Variants in PRELID2 observed in about 807,000 individuals in gnomAD.
PRELID2 encodes PRELI domain containing 2.
In PRELID2, 25 loss-of-function variants were observed where a neutral mutation model predicts 28.4. The ratio of observed to expected loss-of-function variants is 0.88; its 90% CI spans 0.64 to 1.23. The LOEUF (loss-of-function observed/expected upper bound fraction) is 1.23. Ranked by LOEUF, PRELID2 falls within the 50% of genes most tolerant of loss-of-function variation. The pLI, the probability that PRELID2 is intolerant of heterozygous loss-of-function variation, is 0.00. For missense variants in PRELID2, 201 were observed against 214.4 expected (o/e 0.94, Z 0.39); for synonymous variants, 76 against 71.6 (o/e 1.06, Z -0.31).
chr5:145,457,859 G>A, the PRELID2 span, among the ~76,000 whole-genome samples: 1 of 152,090 alleles, frequency 6.6e-6, no homozygotes, highest in Non-Finnish European at 1.5e-5. Flanking sequence ...AGAAACCAGG[G>A]GTCTTTATAG....
intron 1 of PRELID2, among the ~76,000 whole-genome samples, chr5:145,642,427 A>C (rs1360003544): frequency 2.0e-5 from 3 of 152,186 alleles, no homozygotes; most frequent in East Asian, 3.8e-4. Flanking sequence ...CCTTTGTCAG[A>C]TGGATAGATT....
the PRELID2 span, among the ~76,000 whole-genome samples, chr5:145,257,536 AATTAT>A: frequency 6.6e-6 from 1 of 152,224 alleles, no homozygotes; most frequent in African/African-American, 2.4e-5. Flanking sequence ...TAAAGACTCA[AATTAT>A]AAGTCGGAGA....
chr5:145,338,122 A>G, the PRELID2 span: 33 of 152,346 alleles, frequency 2.2e-4, no homozygotes, highest in African/African-American at 7.2e-4. Flanking sequence ...ATTAAAAAGC[A>G]GTGACAAAAA....
intron 1 of PRELID2, among the ~76,000 whole-genome samples, chr5:145,518,135 T>TATA (rs56385008): frequency 0.013 from 1,823 of 142,498 alleles, 17 homozygotes; most frequent in Non-Finnish European, 0.019. Context: ...GAACTTGAAG[T>TATA]ATAATAATAA....
At chr5:145,622,770 T>C (rs1267433119) in intron 1 of PRELID2, among the ~76,000 whole-genome samples, 1 of 151,276 alleles carries the variant, frequency 6.6e-6, no homozygotes, top group Non-Finnish European at 1.5e-5. Flanking sequence ...TAGAGAAAAA[T>C]GGAATAAGTA....
the PRELID2 span, chr5:145,229,878 A>C: frequency 1.3e-6 from 1 of 751,894 alleles, no homozygotes; most frequent in Non-Finnish European, 2.4e-6. Flanking sequence ...GCCGGTCCTC[A>C]AGGGCCAGGT....
rs1191497415 is a variant in PRELID2 at position 145,760,217 on chromosome 5, G to A, written c.*319C>T. 6.6e-6 allele frequency: 1 copy of A among 152,126 alleles called. No individual in the cohort carries two copies. The highest frequency in any genetic ancestry group is 1.5e-5 in the Non-Finnish European group (1 of 68,064). 9.4% of individuals were successfully genotyped at this position (152,126 alleles called of 1,614,324 possible). ...TGACACCATCATCAGACAACCAGCAGAACACCCTGAGGAAGGGCACACATA... is the reference window on the plus strand; with the variant it reads ...TGACACCATCATCAGACAACCAGCAAAACACCCTGAGGAAGGGCACACATA... On this transcript the variant is annotated 3_prime_UTR_variant, in exon 7 of 7. Transcript: ENST00000683046.
chr5:145,630,163 T>TG (rs1753912818), intron 1 of PRELID2, among the ~76,000 whole-genome samples: 1 of 151,926 alleles, frequency 6.6e-6, no homozygotes, highest in Admixed American at 6.6e-5. Context: ...GATGGATGGA[T>TG]GAGTGGGTGG....
In PRELID2 at chr5:145,796,437, G is replaced by T; in HGVS notation, c.474+5C>A. ...AATGTTGGTTCAAAGCAGAAATATG[G>T]TTACCTTCTGGGCTCCCTGTCGTAA... On this transcript the variant is annotated splice_donor_5th_base_variant and intron_variant, in intron 5 of 6. Transcript: ENST00000683046. 6.3e-7 allele frequency: 1 copy of T among 1,592,922 alleles called. No individual in the cohort carries two copies. The highest frequency in any genetic ancestry group is 8.6e-7 in the Non-Finnish European group (1 of 1,163,732).
chr5:145,674,309 C>A (rs918232754), intron 1 of PRELID2, among the ~76,000 whole-genome samples: 2 of 151,340 alleles, frequency 1.3e-5, no homozygotes, highest in South Asian at 2.1e-4. Flanking sequence ...ATCCCTCCCC[C>A]CTCCCTCTAC....
the PRELID2 span, among the ~76,000 whole-genome samples, chr5:145,457,496 T>C: frequency 6.6e-6 from 1 of 152,210 alleles, no homozygotes; most frequent in Non-Finnish European, 1.5e-5. Context: ...TGTATCAGTC[T>C]ACACTGGGGA....
intron 1 of PRELID2, among the ~76,000 whole-genome samples, chr5:145,626,570 G>A (rs562763708): frequency 6.6e-6 from 1 of 152,190 alleles, no homozygotes; most frequent in South Asian, 2.1e-4. Context: ...TACACTCTTG[G>A]TGGGAATGTC....
chr5:145,476,003 G>A (rs567212180), intron 1 of PRELID2, among the ~76,000 whole-genome samples: 2 of 152,296 alleles, frequency 1.3e-5, no homozygotes, highest in South Asian at 4.1e-4. Context: ...ATCCTGCAAT[G>A]CTTATGGATT....
chr5:145,779,983 C>T (rs545497462), intron 5 of PRELID2, among the ~76,000 whole-genome samples: 283 of 152,292 alleles, frequency 1.9e-3, no homozygotes, highest in Non-Finnish European at 3.0e-3. Context: ...GAGTTCGAGA[C>T]CAGCCTGGGC....
At chr5:145,502,671 C>G (rs1752369981) in intron 1 of PRELID2, among the ~76,000 whole-genome samples, 1 of 152,058 alleles carries the variant, frequency 6.6e-6, no homozygotes, top group African/African-American at 2.4e-5. Context: ...CTCTTTTGCC[C>G]TCGGAGCTTA....
chr5:145,405,604 G>T, the PRELID2 span, among the ~76,000 whole-genome samples: 7 of 151,820 alleles, frequency 4.6e-5, no homozygotes, highest in Non-Finnish European at 8.8e-5. Context: ...GGAGGCCTCA[G>T]GAAGCTTAGA....
chr5:145,574,518 G>C (rs1208898765), intron 1 of PRELID2, among the ~76,000 whole-genome samples: 1 of 152,230 alleles, frequency 6.6e-6, no homozygotes, highest in Non-Finnish European at 1.5e-5. Flanking sequence ...AGTGAAATTA[G>C]TCATCTTGTC....
chr5:145,569,020 G>C (rs1052401712), intron 1 of PRELID2, among the ~76,000 whole-genome samples: 20 of 152,168 alleles, frequency 1.3e-4, no homozygotes, highest in Non-Finnish European at 1.9e-4. Context: ...CCTTCATGCT[G>C]TTTCAAAGAA....
At chr5:145,735,919 G>C (rs772835947) in intron 1 of PRELID2, among the ~76,000 whole-genome samples, 7 of 152,236 alleles carry the variant, frequency 4.6e-5, no homozygotes, top group Admixed American at 2.0e-4. Flanking sequence ...AATCTTACTC[G>C]GCGCTCTCTC....
Sources: gnomAD v4.1 joint callset for allele counts (sites outside exome capture counted in the v4.1 genomes callset) on GRCh38, gnomAD v4.1.1 for gene constraint, MANE v1.5 for transcripts, NCBI Gene and HGNC (gene_info 2026-07-23, HGNC 2026-07-21) for gene names.